The following SSC5D variants were observed in gnomAD, a reference collection of about 807,000 sequenced individuals.
The protein encoded by SSC5D is soluble scavenger receptor cysteine-rich domain-containing protein SSC5D.
In SSC5D, 106 loss-of-function variants were observed where a neutral mutation model predicts 104.6. The observed-to-expected ratio is 1.01, with a 90% CI of 0.87 to 1.19. The LOEUF is 1.19. SSC5D is among the 50% of genes most tolerant of loss of function. The pLI is 0.00. For synonymous variants in SSC5D, 860 were observed against 883.5 expected (o/e 0.97, Z 0.47); for missense variants, 1,993 against 2,153.8 (o/e 0.93, Z 1.48).
rs1429346680 is a variant in SSC5D at position 55,500,926 on chromosome 19, G to A, written c.2618-108G>A. The A allele has an allele frequency of 6.6e-7, 1 of 1,510,110 alleles. No homozygotes were observed. Among genetic ancestry groups the A allele is most frequent in the African/African-American group, 1.4e-5 (1 of 72,106 alleles). 93.5% of individuals were successfully genotyped at this position (1,510,110 alleles called of 1,614,324 possible). On this transcript the variant is annotated intron_variant, in intron 11 of 13. Coordinates refer to ENST00000389623, the MANE Select transcript of SSC5D (RefSeq NM_001144950.2). This position sits in a 1 kb window ranked among gnomAD's most constrained non-coding sequence, Gnocchi z 4.6. Reference sequence around the variant, plus strand: ...GAACTGGGTATGAGGGGTCGGGGTGGGGAGATCCCAGAGTTGCTCCAGAAG... The same window carrying A: ...GAACTGGGTATGAGGGGTCGGGGTGAGGAGATCCCAGAGTTGCTCCAGAAG...
intron 8 of SSC5D, among the ~76,000 whole-genome samples, chr19:55,495,234 T>TATATATATATATATATA (rs56232242): frequency 1.9e-3 from 42 of 22,204 alleles, no homozygotes; most frequent in Admixed American, 3.6e-3. Context: ...TATATATATA[T>TATATATATATATATATA]TTTTTTTTTT....
rs575569689 is a variant in SSC5D, at chr19:55,493,819, C to T, written c.1120C>T (p.Arg374Trp). The change falls in exon 7 of 14, where the codon CGG becomes TGG. Residue 374 changes from arginine to tryptophan, a missense_variant. Physicochemically the swap from Arg to Trp is moderately radical, Grantham distance 101 (BLOSUM62 -3). Around this residue, in one of 6 missense-constraint regions of SSC5D, gnomAD observed 1,101 missense variants for 1,085.0 expected, o/e 1.01. Coordinates refer to ENST00000389623, the MANE Select transcript of SSC5D (RefSeq NM_001144950.2). ...CATCATCCTGGACGACCTTCGGTGT[C>T]GGGGAAACGAGACGGCCTTACGATT... ...GPIILDDLRC[R>W]GNETALRFCP... is the part of the protein sequence containing the mutation. 9.7e-6 allele frequency: 15 copies of T among 1,549,296 alleles called. No homozygotes were observed. In the Admixed American group the frequency reaches 9.8e-5, roughly 10 times the overall value.
intron 6 of SSC5D, chr19:55,492,445 G>T (rs1446052519): frequency 6.6e-6 from 1 of 152,194 alleles, no homozygotes; most frequent in Admixed American, 6.5e-5. Context: ...TGAGGCTCTG[G>T]AGAGGAGAGG....
At position 55,490,315 on chromosome 19, in the gene SSC5D, A is replaced by T; in HGVS notation, c.493A>T (p.Asn165Tyr). ...LVTHAPRPAG[N>Y]PQNASRKKSP... Reference sequence around the variant, plus strand: ...ACTCCCAGCCCCCCGCCCAGCTGGGAACCCCCAGAACGCCTCCCGGAAGAA... The same window carrying T: ...ACTCCCAGCCCCCCGCCCAGCTGGGTACCCCCAGAACGCCTCCCGGAAGAA... Residue 165 changes from asparagine (N) to tyrosine (Y), a missense_variant, in exon 5 of 14, where the codon AAC becomes TAC. Asn to Tyr is a moderately radical substitution (Grantham distance 143, BLOSUM62 -2). Around this residue, in one of 6 missense-constraint regions of SSC5D, gnomAD observed 1,101 missense variants for 1,085.0 expected, o/e 1.01. Transcript: ENST00000389623. The T allele has an allele frequency of 7.5e-7, 1 of 1,334,114 alleles. No individual in the cohort carries two copies. Among genetic ancestry groups the T allele is most frequent in the Non-Finnish European group, 1.0e-6 (1 of 958,080 alleles). The allele number at this position is 1,334,114 out of a possible 1,614,324, so 82.6% of individuals were successfully genotyped here. A position where few individuals can be genotyped will look rare whatever the true frequency, so the allele number is the denominator to read the frequency against.
At chr19:55,492,612 TC>T (rs1987182021) in intron 6 of SSC5D, 1 of 152,086 alleles carries the variant, frequency 6.6e-6, no homozygotes, top group Non-Finnish European at 1.5e-5. Flanking sequence ...GTTAGACTCC[TC>T]CCTAGTTCTG....
At chr19:55,491,682 C>G (rs72629133) in intron 6 of SSC5D, 31,332 of 153,488 alleles carry the variant, frequency 0.2, 3,840 homozygotes, top group East Asian at 0.46. Context: ...TCCCTCCCCT[C>G]TCCTGTACCC....
At chr19:55,517,154 C>CG in intron 13 of SSC5D, 70 bp from the exon 14 acceptor site, 2 of 1,377,722 alleles carry the variant, frequency 1.5e-6, no homozygotes, top group South Asian at 1.4e-5. Context: ...CCTCGAGGGG[C>CG]GGGGCGGGAC....
chr19:55,496,829 C>T (rs1185206222), intron 8 of SSC5D, among the ~76,000 whole-genome samples: 1 of 151,034 alleles, frequency 6.6e-6, no homozygotes, highest in African/African-American at 2.4e-5. Flanking sequence ...TGGCTCACTG[C>T]AACCTCCGCC....
chr19:55,490,508 GC>G, intron 5 of SSC5D, 100 bp downstream of exon 5: 1 of 612,840 alleles, frequency 1.6e-6, no homozygotes. Context: ...CTTAGCCGGG[GC>G]CCTGGAGGGA....
chr19:55,489,332 C>T, intron 2 of SSC5D, 22 bp from the exon 3 acceptor site: 1 of 1,430,166 alleles, frequency 7.0e-7, no homozygotes, highest in East Asian at 2.8e-5. Flanking sequence ...TCCCCAGTCA[C>T]AGCCATTCCT....
At position 55,489,705 on chromosome 19, in the gene SSC5D, A is replaced by C. The variant is rs564961395; in HGVS notation, c.361+43A>C. 84 of 1,519,312 alleles carry C rather than the reference A, an allele frequency of 5.5e-5. No homozygotes were observed. In the African/African-American group the frequency reaches 1.1e-3, roughly 21 times the overall value. The allele number at this position is 1,519,312 out of a possible 1,614,324, so 94.1% of individuals were successfully genotyped here. Reference sequence around the variant, plus strand: ...GCTCCTTCAGGGGGAGCTCCTTTGGAGATGACCCAGGAACCCCAAGTCCTT... The same window carrying C: ...GCTCCTTCAGGGGGAGCTCCTTTGGCGATGACCCAGGAACCCCAAGTCCTT... On this transcript the variant is annotated intron_variant, in intron 3 of 13. Coordinates refer to ENST00000389623, the MANE Select transcript of SSC5D (RefSeq NM_001144950.2).
At chr19:55,517,082 C>T (rs939602283) in intron 13 of SSC5D, 142 bp from the exon 14 acceptor site, 9 of 752,168 alleles carry the variant, frequency 1.2e-5, no homozygotes, top group African/African-American at 3.5e-5. Flanking sequence ...GCCCTAGGGC[C>T]GGGTGAAGTC....
At chr19:55,508,160 C>T (rs12461038) in intron 12 of SSC5D, among the ~76,000 whole-genome samples, 46,846 of 151,802 alleles carry the variant, frequency 0.31, 7,841 homozygotes, top group African/African-American at 0.43. Context: ...TATAACTTAG[C>T]GAGATGGAAT....
At chr19:55,508,445 C>A (rs1987686188) in intron 12 of SSC5D, among the ~76,000 whole-genome samples, 1 of 152,176 alleles carries the variant, frequency 6.6e-6, no homozygotes, top group Non-Finnish European at 1.5e-5. Flanking sequence ...GTTACACTCC[C>A]TTCCTCCCCA....
chr19:55,512,728 C>T (rs1987785116), intron 12 of SSC5D, among the ~76,000 whole-genome samples: 1 of 152,190 alleles, frequency 6.6e-6, no homozygotes, highest in Non-Finnish European at 1.5e-5. Context: ...AGTGATCTGC[C>T]TGCCTCAGCC....
chr19:55,490,845 C>A lies in SSC5D; in HGVS notation c.660C>A (p.Gly220=). The A allele has an allele frequency of 6.5e-7, 1 of 1,547,282 alleles. No individual in the cohort carries two copies. Among genetic ancestry groups the A allele is most frequent in the Non-Finnish European group, 8.7e-7 (1 of 1,145,494 alleles). Residue 220 remains glycine, a synonymous_variant, in exon 6 of 14, where the codon GGC becomes GGA. Transcript: ENST00000389623. ...RLEVWHGGRW[G]TVCDDGWDLR... ...AGGTCTGGCACGGCGGGCGCTGGGG[C>A]ACCGTATGTGACGATGGCTGGGACC...
chr19:55,502,364 T>C (rs1436886472), intron 12 of SSC5D, among the ~76,000 whole-genome samples: 2 of 152,176 alleles, frequency 1.3e-5, no homozygotes, highest in Non-Finnish European at 2.9e-5. Context: ...TCATTTTTTT[T>C]CTTTCGTTGT....
At chr19:55,497,054 C>T (rs1000969837) in intron 8 of SSC5D, among the ~76,000 whole-genome samples, 1 of 152,330 alleles carries the variant, frequency 6.6e-6, no homozygotes, top group East Asian at 1.9e-4. Context: ...AGCCACCGTG[C>T]CGGGCCTGCT....
At position 55,489,396 on chromosome 19, in the gene SSC5D, G is replaced by A. The variant is rs1478788042; in HGVS notation, c.95G>A (p.Arg32His). 20 of 1,485,542 alleles carry A rather than the reference G, an allele frequency of 1.3e-5. No homozygotes were observed. The highest frequency in any genetic ancestry group is 2.7e-5 in the South Asian group (2 of 75,270). The allele number at this position is 1,485,542 out of a possible 1,614,324, so 92.0% of individuals were successfully genotyped here. A position where few individuals can be genotyped will look rare whatever the true frequency, so the allele number is the denominator to read the frequency against. Reference protein sequence around the residue: ...LADGPHGCAGRLEVWHGGRWG... With the variant: ...LADGPHGCAGHLEVWHGGRWG... Reference sequence around the variant, plus strand: ...GATGGCCCCCATGGGTGCGCTGGCCGCCTGGAGGTCTGGCATGGCGGGCGC... The same window carrying A: ...GATGGCCCCCATGGGTGCGCTGGCCACCTGGAGGTCTGGCATGGCGGGCGC... Residue 32 changes from arginine to histidine, a missense_variant, in exon 3 of 14, where the codon CGC (arginine) becomes CAC (histidine). Physicochemically the swap from Arg to His is conservative, Grantham distance 29. Around this residue, in one of 6 missense-constraint regions of SSC5D, gnomAD observed 1,101 missense variants for 1,085.0 expected, o/e 1.01. Coordinates refer to ENST00000389623, the MANE Select transcript of SSC5D (RefSeq NM_001144950.2).
Sources: allele counts gnomAD v4.1 joint callset (sites outside exome capture counted in the v4.1 genomes callset), GRCh38; gene constraint gnomAD v4.1.1; regional missense constraint gnomAD v4.1.1; non-coding constraint Gnocchi (gnomAD v3.1); transcripts MANE v1.5; gene names NCBI Gene and HGNC (gene_info 2026-07-23, HGNC 2026-07-21).